Variants in CHN2 observed in about 807,000 individuals in gnomAD.
The protein encoded by CHN2 is beta-chimaerin.
A neutral mutation model predicts 56.3 loss-of-function variants in CHN2; 35 were observed. The ratio of observed to expected loss-of-function variants is 0.62; its 90% CI spans 0.47 to 0.82. The LOEUF (loss-of-function observed/expected upper bound fraction) is 0.82. CHN2 is among the 40% of genes least tolerant of loss of function. CHN2 has a pLI of 0.00. For synonymous variants in CHN2, 210 were observed against 212.8 expected (o/e 0.99, Z 0.12); for missense variants, 491 against 580.5 (o/e 0.85, Z 1.58).
chr7:29,162,668 A>T lies in CHN2; in HGVS notation c.274+15708A>T, dbSNP rs577924730. Among the ~76,000 whole-genome samples, 4 of 152,104 alleles carry T rather than the reference A, an allele frequency of 2.6e-5. No individual in the cohort carries two copies. In the South Asian group the frequency reaches 8.3e-4, roughly 32 times the overall value. On this transcript the variant is annotated intron_variant, in intron 2 of 6. Coordinates refer to the CHN2 transcript ENST00000439384. ...AAGAGTGAAACTCCATCTCAAAAAA[A>T]AAAAAAAAAAAAGAACATTATGACA...
chr7:29,350,634 A>G (rs2128922307), intron 1 of CHN2, among the ~76,000 whole-genome samples: 1 of 152,318 alleles, frequency 6.6e-6, no homozygotes, highest in South Asian at 2.1e-4. Context: ...GGGCAAGAAT[A>G]GAGACAGACA....
intron 1 of CHN2, among the ~76,000 whole-genome samples, chr7:29,210,250 C>T (rs1784814730): frequency 6.6e-6 from 1 of 152,090 alleles, no homozygotes; most frequent in Non-Finnish European, 1.5e-5. Flanking sequence ...GTTCCAGGCA[C>T]CCAGCCTGTA....
chr7:29,339,010 G>C (rs1490562132), intron 1 of CHN2, among the ~76,000 whole-genome samples: 2 of 152,124 alleles, frequency 1.3e-5, no homozygotes, highest in South Asian at 4.1e-4. Context: ...TGTTATCTTA[G>C]ATTTTATTTT....
At chr7:29,319,129 C>A (rs1050996884) in intron 1 of CHN2, among the ~76,000 whole-genome samples, 2 of 152,176 alleles carry the variant, frequency 1.3e-5, no homozygotes, top group Admixed American at 1.3e-4. Flanking sequence ...AAACATGCAA[C>A]TATGTGTGTG....
chr7:29,382,550 T>C (rs1162829338), intron 3 of CHN2, among the ~76,000 whole-genome samples: 1 of 152,188 alleles, frequency 6.6e-6, no homozygotes, highest in East Asian at 1.9e-4. Flanking sequence ...TTTCACTTAT[T>C]GTGTTATGCC....
intron 6 of CHN2, among the ~76,000 whole-genome samples, chr7:29,420,901 C>T (rs904370322): frequency 4.0e-5 from 6 of 151,892 alleles, no homozygotes; most frequent in Non-Finnish European, 7.4e-5. Flanking sequence ...CCCCTGCCCC[C>T]CAGGTTCAAG....
chr7:29,227,597 T>A (rs1160795582), intron 1 of CHN2, among the ~76,000 whole-genome samples: 1 of 152,166 alleles, frequency 6.6e-6, no homozygotes, highest in Non-Finnish European at 1.5e-5. Context: ...TAGCTTTTGC[T>A]TGCTGGATTT....
At chr7:29,232,518 C>G (rs1199561883) in intron 1 of CHN2, among the ~76,000 whole-genome samples, 1 of 152,202 alleles carries the variant, frequency 6.6e-6, no homozygotes, top group Non-Finnish European at 1.5e-5. Context: ...TTATATTCAA[C>G]AGATACTATT....
chr7:29,215,772 CAG>C (rs1056099190), intron 1 of CHN2, among the ~76,000 whole-genome samples: 5 of 151,852 alleles, frequency 3.3e-5, no homozygotes, highest in African/African-American at 1.2e-4. Context: ...TTCAATTTCT[CAG>C]GGAAAGAAAA....
At chr7:29,293,335 T>C (rs1378860450) in intron 1 of CHN2, among the ~76,000 whole-genome samples, 5 of 126,350 alleles carry the variant, frequency 4.0e-5, no homozygotes, top group Non-Finnish European at 8.1e-5. Context: ...TCACTCTACC[T>C]ACACCCTTCT....
At chr7:29,203,191 G>T (rs916042876) in intron 1 of CHN2, among the ~76,000 whole-genome samples, 2 of 152,166 alleles carry the variant, frequency 1.3e-5, no homozygotes, top group African/African-American at 4.8e-5. Context: ...TCTAGGCCTG[G>T]CACGGTGGCT....
intron 2 of CHN2, among the ~76,000 whole-genome samples, chr7:29,362,739 C>T (rs1357429347): frequency 6.6e-6 from 1 of 152,174 alleles, no homozygotes; most frequent in Non-Finnish European, 1.5e-5. Flanking sequence ...AGCTCCCTGC[C>T]TCTTCCCTTG....
chr7:29,230,130 G>C (rs544566778), intron 1 of CHN2, among the ~76,000 whole-genome samples: 5 of 152,168 alleles, frequency 3.3e-5, no homozygotes, highest in Admixed American at 2.0e-4. Flanking sequence ...AGTATTCACT[G>C]TCTGGCCCTT....
intron 6 of CHN2, among the ~76,000 whole-genome samples, chr7:29,476,816 C>T (rs1307469544): frequency 1.3e-5 from 2 of 152,072 alleles, no homozygotes; most frequent in Non-Finnish European, 2.9e-5. Context: ...TACAGGACAG[C>T]CTCCCACAAC....
intron 6 of CHN2, among the ~76,000 whole-genome samples, chr7:29,456,561 C>A (rs1293281191): frequency 2.0e-5 from 3 of 152,006 alleles, no homozygotes; most frequent in African/African-American, 7.3e-5. Flanking sequence ...ATGAATGTCC[C>A]CAAGGCATAC....
chr7:29,202,002 A>C (rs1364926856), intron 1 of CHN2, among the ~76,000 whole-genome samples: 1 of 152,218 alleles, frequency 6.6e-6, no homozygotes, highest in Non-Finnish European at 1.5e-5. Context: ...TGTAGTCCTG[A>C]GGTATGATTC....
At chr7:29,350,877 A>T (rs1797825730) in intron 1 of CHN2, among the ~76,000 whole-genome samples, 1 of 152,116 alleles carries the variant, frequency 6.6e-6, no homozygotes, top group Non-Finnish European at 1.5e-5. Context: ...TGGGAGGCCG[A>T]GGTGGGTGAA....
At chr7:29,211,259 T>C (rs1277399599) in intron 1 of CHN2, among the ~76,000 whole-genome samples, 1 of 151,196 alleles carries the variant, frequency 6.6e-6, no homozygotes, top group Non-Finnish European at 1.5e-5. Context: ...TTTTTTTTTT[T>C]AGTAGAGATG....
At chr7:29,181,362 T>TGTGCAGCTGGTGCCC (rs1278896115) in intron 2 of CHN2, 1 of 152,242 alleles carries the variant, frequency 6.6e-6, no homozygotes, top group Non-Finnish European at 1.5e-5. Context: ...CTCCTAGGGT[T>TGTGCAGCTGGTGCCC]GTGCAGCTGG....
Sources: gnomAD v4.1 joint callset for allele counts (sites outside exome capture counted in the v4.1 genomes callset) on GRCh38, gnomAD v4.1.1 for gene constraint, MANE v1.5 for transcripts, NCBI Gene and HGNC (gene_info 2026-07-23, HGNC 2026-07-21) for gene names.